WNT3A: variants seen among roughly 807,000 people sequenced by gnomAD.
The protein encoded by WNT3A is protein Wnt-3a.
A neutral mutation model predicts 37.0 loss-of-function variants in WNT3A; 17 were observed. That is an observed-to-expected ratio of 0.46 (90% CI 0.31 to 0.69). The LOEUF is 0.69. WNT3A is among the 30% of genes least tolerant of loss of function. The pLI, the probability that WNT3A is intolerant of heterozygous loss-of-function variation, is 0.05. For missense variants in WNT3A, 411 were observed against 510.2 expected, an observed-to-expected ratio of 0.81 and a Z score of 1.87; for synonymous variants, 187 against 211.0, an observed-to-expected ratio of 0.89 and a Z score of 0.99.
intron 2 of WNT3A, among the ~76,000 whole-genome samples, chr1:228,049,769 AG>A (rs2031501179): frequency 6.6e-6 from 1 of 152,048 alleles, no homozygotes; most frequent in Non-Finnish European, 1.5e-5. Context: ...CCATCTTTCC[AG>A]GTGCATGCTG....
At chr1:228,023,649 A>G (rs1303800454) in intron 2 of WNT3A, among the ~76,000 whole-genome samples, 1 of 152,238 alleles carries the variant, frequency 6.6e-6, no homozygotes, top group Non-Finnish European at 1.5e-5. Context: ...AAACTTTAGC[A>G]TCTTTTTTTA....
chr1:228,023,952 G>A (rs2030794786), intron 2 of WNT3A, among the ~76,000 whole-genome samples: 1 of 152,174 alleles, frequency 6.6e-6, no homozygotes, highest in Non-Finnish European at 1.5e-5. Context: ...TGAGTGTGTT[G>A]ATTCACCTGC....
chr1:228,009,203 C>T lies in WNT3A; in HGVS notation c.71+2004C>T, dbSNP rs182827324. Among the ~76,000 whole-genome samples the T allele has an allele frequency of 3.4e-3, 518 of 152,146 alleles. 11 individuals carry two copies. Among genetic ancestry groups the T allele is most frequent in the East Asian group, 0.028 (143 of 5,138 alleles). ...AGCCTCCCCTTGGGGGAGGCTGGCT[C>T]CCTGGGGACAAGTCTGCCCCCTTCT... is the stretch of plus-strand genomic sequence containing the variant. On this transcript the variant is annotated intron_variant, in intron 1 of 3. Transcript: ENST00000284523.
chr1:228,046,379 G>A (rs1558293169), intron 2 of WNT3A, among the ~76,000 whole-genome samples: 1 of 151,726 alleles, frequency 6.6e-6, no homozygotes, highest in Non-Finnish European at 1.5e-5. Flanking sequence ...ATGTATATGT[G>A]CATCCGTGGG....
chr1:228,037,094 C>T lies in WNT3A; in HGVS notation c.314-13562C>T, dbSNP rs370842772. ...GGGAGGTATGCAATCTCTTGTGCTT[C>T]CCAAGTAAGTGTGCTTCCCACAACT... On this transcript the variant is annotated intron_variant, in intron 2 of 3. Transcript: ENST00000284523. This position sits in a 1 kb window ranked among gnomAD's most constrained non-coding sequence, Gnocchi z 4.1. Among the ~76,000 whole-genome samples the T allele has an allele frequency of 3.3e-5, 5 of 152,190 alleles. No homozygotes were observed. Among genetic ancestry groups the T allele is most frequent in the African/African-American group, 1.2e-4 (5 of 41,522 alleles).
intron 2 of WNT3A, among the ~76,000 whole-genome samples, chr1:228,040,705 A>G (rs1191199710): frequency 6.6e-6 from 1 of 151,866 alleles, no homozygotes; most frequent in Non-Finnish European, 1.5e-5. Flanking sequence ...AACACGGTGA[A>G]ACCCTTTCTC....
At chr1:228,026,557 C>T (rs906234404) in intron 2 of WNT3A, among the ~76,000 whole-genome samples, 2 of 152,176 alleles carry the variant, frequency 1.3e-5, no homozygotes, top group African/African-American at 4.8e-5. Flanking sequence ...GTGCACCCCT[C>T]ACCTAAATAA....
At chr1:228,017,758 G>A (rs1050430538) in intron 1 of WNT3A, among the ~76,000 whole-genome samples, 2 of 152,102 alleles carry the variant, frequency 1.3e-5, no homozygotes, top group African/African-American at 4.8e-5. Flanking sequence ...GTGGGCTGGC[G>A]GAGACAGCGG....
intron 1 of WNT3A, among the ~76,000 whole-genome samples, chr1:228,009,655 C>T (rs192606837): frequency 2.0e-5 from 3 of 152,220 alleles, no homozygotes; most frequent in South Asian, 4.1e-4. Flanking sequence ...GATTCTCCCC[C>T]CTCCACCATC....
chr1:228,053,093 G>A (rs527415522), intron 3 of WNT3A, among the ~76,000 whole-genome samples: 1 of 152,238 alleles, frequency 6.6e-6, no homozygotes, highest in Non-Finnish European at 1.5e-5. Context: ...AGGACATGAT[G>A]TTCCTCCCTT....
chr1:228,019,062 C>T (rs975917781), intron 1 of WNT3A, among the ~76,000 whole-genome samples: 1 of 152,234 alleles, frequency 6.6e-6, no homozygotes, highest in African/African-American at 2.4e-5. Flanking sequence ...CAGCTGGCCA[C>T]CTGCACCCTG....
Position 228,007,773 on chromosome 1 carries a change from G to T in WNT3A, c.71+574G>T, listed in dbSNP as rs2030244333. ...TGGGGGCCGGCCCTGGGCCCCGCGC[G>T]CCTCCCCGCCGCAGTCCGGGCACGG... On this transcript the variant is annotated intron_variant, in intron 1 of 3. Transcript: ENST00000284523. The surrounding 1 kb of genome is among the most constrained non-coding windows in gnomAD (Gnocchi z 6.0). Among the ~76,000 whole-genome samples the T allele has an allele frequency of 1.3e-5, 2 of 151,064 alleles. No individual in the cohort carries two copies. Among genetic ancestry groups the T allele is most frequent in the Non-Finnish European group, 3.0e-5 (2 of 67,780 alleles).
chr1:228,008,727 C>T lies in WNT3A; in HGVS notation c.71+1528C>T, dbSNP rs1388209007. ...ACGCACCAGGCTTCTAATTAGAACC[C>T]GCCGCCGCGTTCCTGAGCGCAAAAG... On this transcript the variant is annotated intron_variant, in intron 1 of 3. Transcript: ENST00000284523. This position sits in a 1 kb window ranked among gnomAD's most constrained non-coding sequence, Gnocchi z 4.9. Among the ~76,000 whole-genome samples, 1 of 152,152 alleles carries T rather than the reference C, an allele frequency of 6.6e-6. No individual in the cohort carries two copies. Among genetic ancestry groups the T allele is most frequent in the Non-Finnish European group, 1.5e-5 (1 of 68,006 alleles).
chr1:228,051,063 C>A, intron 3 of WNT3A, 142 bp downstream of exon 3: 1 of 1,120,852 alleles, frequency 8.9e-7, no homozygotes, highest in Non-Finnish European at 1.2e-6. Flanking sequence ...CTGGGGTGTG[C>A]GAAGCTTAGC....
Position 228,050,806 on chromosome 1 carries a change from G to A in WNT3A, c.464G>A (p.Cys155Tyr). Residue 155 changes from cysteine to tyrosine, a missense_variant, in exon 3 of 4, where the codon TGT becomes TAT. Physicochemically the swap from Cys to Tyr is radical, Grantham distance 194. Transcript: ENST00000284523. This position sits in a 1 kb window ranked among gnomAD's most constrained non-coding sequence, Gnocchi z 5.0. ...SPGKGWKWGGCSEDIEFGGMV... is the reference protein window; with the variant it reads ...SPGKGWKWGGYSEDIEFGGMV... ...GGCAAGGGCTGGAAGTGGGGTGGCT[G>A]TAGCGAGGACATCGAGTTTGGTGGG... 6.2e-7 allele frequency: 1 copy of A among 1,613,736 alleles called. No homozygotes were observed. The highest frequency in any genetic ancestry group is 8.5e-7 in the Non-Finnish European group (1 of 1,179,822).
rs908382931 is a variant in WNT3A at position 228,038,305 on chromosome 1, C to G, written c.314-12351C>G. Among the ~76,000 whole-genome samples the G allele has an allele frequency of 1.3e-4, 20 of 152,136 alleles. No homozygotes were observed. The highest frequency in any genetic ancestry group is 1.3e-4 in the Admixed American group (2 of 15,282). On this transcript the variant is annotated intron_variant, in intron 2 of 3. Coordinates refer to ENST00000284523, the MANE Select transcript of WNT3A (RefSeq NM_033131.4). The surrounding 1 kb of genome is among the most constrained non-coding windows in gnomAD (Gnocchi z 5.7). Reference sequence around the variant, plus strand: ...CGGCGGGCTCCGGCGGGGACCGGGGCGCGGGCTGAGTCCCCCTGTGTGCCC... The same window carrying G: ...CGGCGGGCTCCGGCGGGGACCGGGGGGCGGGCTGAGTCCCCCTGTGTGCCC...
chr1:228,048,783 A>G (rs1271031552), intron 2 of WNT3A, among the ~76,000 whole-genome samples: 1 of 151,746 alleles, frequency 6.6e-6, no homozygotes, highest in East Asian at 1.9e-4. Flanking sequence ...ATGCCCTTGC[A>G]GAAGTGTCTG....
At chr1:228,051,009 T>C (rs1313184337) in intron 3 of WNT3A, 88 bp downstream of exon 3, 7 of 1,416,170 alleles carry the variant, frequency 4.9e-6, no homozygotes, top group Non-Finnish European at 6.5e-6. Flanking sequence ...TATGGCCCGG[T>C]GAGGCAGGAT....
At chr1:228,043,533 C>T (rs1354147872) in intron 2 of WNT3A, among the ~76,000 whole-genome samples, 1 of 152,220 alleles carries the variant, frequency 6.6e-6, no homozygotes, top group Non-Finnish European at 1.5e-5. Context: ...CTCCGTTTCA[C>T]CCCCATAGCT....
Sources: gnomAD v4.1 joint callset for allele counts (sites outside exome capture counted in the v4.1 genomes callset) on GRCh38, gnomAD v4.1.1 for gene constraint, Gnocchi (gnomAD v3.1) non-coding constraint, MANE v1.5 for transcripts, NCBI Gene and HGNC (gene_info 2026-07-23, HGNC 2026-07-21) for gene names.